JMJD1C: variants seen among roughly 807,000 people sequenced by gnomAD.
The protein encoded by JMJD1C is jumonji domain containing 1C, also known as jumonji domain-containing protein 1C.
JMJD1C carries 31 observed loss-of-function variants against 245.3 expected under a neutral mutation model. The ratio of observed to expected loss-of-function variants is 0.13; its 90% CI spans 0.09 to 0.17. JMJD1C has a LOEUF of 0.17. JMJD1C is among the 10% of genes least tolerant of loss of function. The probability of loss-of-function intolerance (pLI) is 1.00; values close to 1 mark genes in which losing one functional copy is unlikely to be tolerated. For missense variants in JMJD1C, 2,691 were observed against 3,000.2 expected (o/e 0.90, Z 2.41); for synonymous variants, 1,057 against 1,017.4 (o/e 1.04, Z -0.74).
At chr10:63,242,381 CAT>C (rs1851590692) in intron 3 of JMJD1C, among the ~76,000 whole-genome samples, 2 of 152,184 alleles carry the variant, frequency 1.3e-5, no homozygotes, top group African/African-American at 4.8e-5. Flanking sequence ...TAAATAGCCA[CAT>C]ATGACTAGTA....
chr10:63,384,419 G>C (rs1282916313), intron 1 of JMJD1C, among the ~76,000 whole-genome samples: 1 of 152,124 alleles, frequency 6.6e-6, no homozygotes, highest in Non-Finnish European at 1.5e-5. Context: ...AATAAGACTT[G>C]AAAATCAAAA....
At chr10:63,323,804 T>C (rs1941199862) in intron 2 of JMJD1C, among the ~76,000 whole-genome samples, 1 of 152,110 alleles carries the variant, frequency 6.6e-6, no homozygotes, top group Admixed American at 6.6e-5. Context: ...TTGTGTGTGT[T>C]TCTCTGTGTG....
intron 2 of JMJD1C, among the ~76,000 whole-genome samples, chr10:63,356,712 A>G (rs1944875129): frequency 6.6e-6 from 1 of 152,266 alleles, no homozygotes; most frequent in African/African-American, 2.4e-5. Context: ...CCCAGAAAGA[A>G]GGAAGCAAAG....
At chr10:63,472,556 T>C (rs1204322760) in intron 1 of JMJD1C, among the ~76,000 whole-genome samples, 1 of 152,082 alleles carries the variant, frequency 6.6e-6, no homozygotes, top group Non-Finnish European at 1.5e-5. Flanking sequence ...GGTCTCTAAC[T>C]CCTGACCTCA....
chr10:63,381,016 T>C (rs1947172442), intron 1 of JMJD1C, among the ~76,000 whole-genome samples: 1 of 152,198 alleles, frequency 6.6e-6, no homozygotes, highest in South Asian at 2.1e-4. Flanking sequence ...GAAATCAACC[T>C]AAGTATCTGT....
intron 1 of JMJD1C, among the ~76,000 whole-genome samples, chr10:63,500,248 C>T (rs1325606416): frequency 6.6e-6 from 1 of 151,882 alleles, no homozygotes; most frequent in Admixed American, 6.6e-5. Context: ...ATGGTGATAC[C>T]CCATCTCTAC....
intron 1 of JMJD1C, among the ~76,000 whole-genome samples, chr10:63,436,515 C>A (rs942391948): frequency 2.3e-4 from 35 of 152,152 alleles, no homozygotes; most frequent in African/African-American, 8.4e-4. Context: ...ATTATACTAA[C>A]CTACTACCAT....
intron 2 of JMJD1C, among the ~76,000 whole-genome samples, chr10:63,306,683 T>G (rs2134021135): frequency 6.6e-6 from 1 of 152,196 alleles, no homozygotes; most frequent in Non-Finnish European, 1.5e-5. Context: ...TTTTTAAGAG[T>G]TCCCACTACT....
chr10:63,320,778 C>A (rs1290785545), intron 2 of JMJD1C, among the ~76,000 whole-genome samples: 2 of 152,126 alleles, frequency 1.3e-5, no homozygotes, highest in East Asian at 3.8e-4. Flanking sequence ...TGGTTCCTGA[C>A]ACCGAGCTCC....
At chr10:63,510,023 G>C (rs1031128716) in intron 1 of JMJD1C, among the ~76,000 whole-genome samples, 2 of 146,156 alleles carry the variant, frequency 1.4e-5, no homozygotes, top group African/African-American at 5.0e-5. Flanking sequence ...TTTTTTTTGA[G>C]ATGGAGTCTC....
At chr10:63,510,161 G>A (rs915192334) in intron 1 of JMJD1C, among the ~76,000 whole-genome samples, 4 of 151,872 alleles carry the variant, frequency 2.6e-5, no homozygotes, top group African/African-American at 7.2e-5. Flanking sequence ...CCACCACCAC[G>A]CCCGGATAAT....
intron 2 of JMJD1C, among the ~76,000 whole-genome samples, chr10:63,297,501 G>T (rs536236408): frequency 6.6e-6 from 1 of 152,294 alleles, no homozygotes; most frequent in African/African-American, 2.4e-5. Context: ...CTGGATGCAG[G>T]ACAAGAACTC....
At chr10:63,246,237 T>C (rs1041799599) in intron 3 of JMJD1C, among the ~76,000 whole-genome samples, 3 of 152,094 alleles carry the variant, frequency 2.0e-5, no homozygotes, top group Admixed American at 2.0e-4. Flanking sequence ...ACCAAACAGA[T>C]GTGACCCAAA....
At chr10:63,260,124 G>A (rs1854504993) in intron 3 of JMJD1C, among the ~76,000 whole-genome samples, 1 of 152,254 alleles carries the variant, frequency 6.6e-6, no homozygotes, top group African/African-American at 2.4e-5. Flanking sequence ...TTACTACAAT[G>A]AATTTTAATA....
chr10:63,222,251 C>T, intron 3 of JMJD1C: 2 of 805,490 alleles, frequency 2.5e-6, no homozygotes, highest in South Asian at 2.7e-5. Flanking sequence ...AGATGATTTA[C>T]AGGATGTAAC....
chr10:63,243,475 G>A (rs963799431), intron 3 of JMJD1C, among the ~76,000 whole-genome samples: 2 of 152,104 alleles, frequency 1.3e-5, no homozygotes, highest in Non-Finnish European at 2.9e-5. Flanking sequence ...GCGCTGAGCC[G>A]AGATCACGCC....
chr10:63,427,421 G>T, intron 1 of JMJD1C: 2 of 1,118,798 alleles, frequency 1.8e-6, no homozygotes, highest in South Asian at 1.3e-5. Flanking sequence ...ACAGTACACC[G>T]GGAGGTGACT....
intron 3 of JMJD1C, among the ~76,000 whole-genome samples, chr10:63,220,227 T>C (rs1848442814): frequency 6.6e-6 from 1 of 152,208 alleles, no homozygotes; most frequent in African/African-American, 2.4e-5. Context: ...AATTAATGTG[T>C]TTTCTAACTT....
intron 1 of JMJD1C, among the ~76,000 whole-genome samples, chr10:63,390,271 A>T (rs1947949479): frequency 6.6e-6 from 1 of 152,202 alleles, no homozygotes; most frequent in Non-Finnish European, 1.5e-5. Context: ...AACAAACTGG[A>T]AAACCTTGAA....
Sources: allele counts gnomAD v4.1 joint callset (sites outside exome capture counted in the v4.1 genomes callset), GRCh38; gene constraint gnomAD v4.1.1; transcripts MANE v1.5; gene names NCBI Gene and HGNC (gene_info 2026-07-23, HGNC 2026-07-21).